The following PKD1L3 variants were observed in gnomAD, a reference collection of about 807,000 sequenced individuals.
The protein encoded by PKD1L3 is polycystin-1-like protein 3.
PKD1L3 carries 239 observed loss-of-function variants against 184.1 expected under a neutral mutation model. The ratio of observed to expected loss-of-function variants is 1.30; its 90% CI spans 1.17 to 1.45. The LOEUF (loss-of-function observed/expected upper bound fraction) is 1.45, where lower values mean the gene tolerates loss of function less well. Among genes scored for constraint, PKD1L3 ranks in the 40% most tolerant of loss-of-function variants. The pLI is 0.00. For synonymous variants in PKD1L3, 996 were observed against 778.8 expected (o/e 1.28, Z -4.64); for missense variants, 2,660 against 2,067.2 (o/e 1.29, Z -5.56).
intron 17 of PKD1L3, among the ~76,000 whole-genome samples, chr16:71,953,815 C>T (rs961846232): frequency 1.3e-5 from 2 of 152,216 alleles, no homozygotes; most frequent in African/African-American, 4.8e-5. Context: ...AGGGGGATTA[C>T]AGTTGGACGT....
intron 16 of PKD1L3, among the ~76,000 whole-genome samples, chr16:71,955,241 TGGTGGAAGG>T (rs1184628948): frequency 6.6e-6 from 1 of 151,738 alleles, no homozygotes; most frequent in African/African-American, 2.4e-5. Context: ...GTGGTGTTTG[TGGTGGAAGG>T]GGTGGAAGGG....
intron 21 of PKD1L3, among the ~76,000 whole-genome samples, chr16:71,948,034 A>G (rs1057413999): frequency 6.6e-6 from 1 of 151,430 alleles, no homozygotes; most frequent in African/African-American, 2.4e-5. Flanking sequence ...CTCTTCCTTC[A>G]GCCTCCCGAG....
rs1390610587 is a variant in PKD1L3 at position 71,950,121 on chromosome 16, G to A, written c.3380C>T (p.Ser1127Phe). 1 of 1,551,612 alleles carries A rather than the reference G, an allele frequency of 6.4e-7. No homozygotes were observed. Among genetic ancestry groups the A allele is most frequent in the Non-Finnish European group, 8.7e-7 (1 of 1,146,672 alleles). The change falls in exon 20 of 30, where the codon TCC (serine) becomes TTC (phenylalanine). Residue 1127 changes from serine (S) to phenylalanine (F), a missense_variant. Transcript: ENST00000620267. ...THILPTEQEP[S>F]REVTSFAILS... is the part of the protein sequence containing the mutation. ...AAGGCTTGGTGTGGTGCATTACCTG[G>A]ATGGCTCTTGCTCCGTGGGAAGAAT...
intron 12 of PKD1L3, 119 bp from the exon 13 acceptor site, chr16:71,970,224 C>T (rs1415007668): frequency 1.3e-6 from 1 of 763,482 alleles, no homozygotes; most frequent in Non-Finnish European, 2.1e-6. Context: ...TCATTCACAG[C>T]TGGTGATGGC....
At chr16:71,953,290 G>A (rs779160580) in intron 17 of PKD1L3, among the ~76,000 whole-genome samples, 197 bp from the exon 18 acceptor site, 3 of 152,154 alleles carry the variant, frequency 2.0e-5, no homozygotes, top group Non-Finnish European at 4.4e-5. Flanking sequence ...GAGAAAATTT[G>A]TTAGAGTATT....
chr16:71,971,464 C>A (rs193173306), intron 12 of PKD1L3, among the ~76,000 whole-genome samples: 1 of 152,306 alleles, frequency 6.6e-6, no homozygotes, highest in Non-Finnish European at 1.5e-5. Context: ...CCAATCTAGT[C>A]TGCCTTTGGA....
intron 23 of PKD1L3, 94 bp downstream of exon 23, chr16:71,943,936 T>TA (rs2038459716): frequency 7.3e-7 from 1 of 1,379,238 alleles, no homozygotes; most frequent in African/African-American, 1.5e-5. Context: ...GACAGCTTTT[T>TA]AACCCTTCTT....
chr16:71,990,773 GA>G lies in PKD1L3; in HGVS notation c.536-445del, dbSNP rs1446331557. ...AAAAAATAAAGGTAAGGAAGGAAAA[GA>G]CAAAAGGGAACCTATGATGATCACT... is the stretch of plus-strand genomic sequence containing the variant. On this transcript the variant is annotated intron_variant, in intron 3 of 29. Transcript: ENST00000620267. 4.0e-5 allele frequency among the ~76,000 whole-genome samples: 6 copies of G among 150,238 alleles called. No homozygotes were observed. In the East Asian group the frequency reaches 1.2e-3, roughly 30 times the overall value.
Position 71,954,203 on chromosome 16 carries a change from T to A in PKD1L3, c.2711A>T (p.Gln904Leu). The A allele has an allele frequency of 6.4e-7, 1 of 1,551,902 alleles. No homozygotes were observed. The highest frequency in any genetic ancestry group is 8.7e-7 in the Non-Finnish European group (1 of 1,146,952). ...CAGTGTCATGCAGCAAGACAGCCGTTGGACCCTTGTAAACTGGTTCCAGGG... is the reference window on the plus strand; with the variant it reads ...CAGTGTCATGCAGCAAGACAGCCGTAGGACCCTTGTAAACTGGTTCCAGGG... ...RHPWNQFTRV[Q>L]RLSCCMTLLL... The change falls in exon 17 of 30, where the codon CAA (glutamine) becomes CTA (leucine). Residue 904 changes from glutamine to leucine, a missense_variant. Coordinates refer to ENST00000620267, the MANE Select transcript of PKD1L3 (RefSeq NM_181536.2).
Position 71,929,605 on chromosome 16 carries a change from GT to G in PKD1L3, c.5131del (p.Thr1711ProfsTer18), listed in dbSNP as rs756119291. On this transcript the variant is annotated frameshift_variant, in exon 30 of 30. Transcript: ENST00000620267. LOFTEE classifies it low-confidence loss of function (END_TRUNC). Reference sequence around the variant, plus strand: ...TGTCGTGGCTGCTTGCTCAGATGAGGTTTTTTGGGGCCAACTGATTCCTAAC... The same window carrying G: ...TGTCGTGGCTGCTTGCTCAGATGAGGTTTTTGGGGCCAACTGATTCCTAAC... ...NLLGISWPQKTSSEQAATTAV... is the reference protein window; with the variant it reads ...NLLGISWPQKXSSEQAATTAV... 1.9e-6 allele frequency: 3 copies of G among 1,551,714 alleles called. No individual in the cohort carries two copies. Among genetic ancestry groups the G allele is most frequent in the Non-Finnish European group, 2.6e-6 (3 of 1,147,018 alleles).
chr16:71,976,602 C>T (rs956971206), intron 11 of PKD1L3, among the ~76,000 whole-genome samples: 1 of 151,806 alleles, frequency 6.6e-6, no homozygotes, highest in African/African-American at 2.4e-5. Context: ...ACAATTATCT[C>T]AAAATGAAAA....
At chr16:71,965,206 G>A (rs1227715403) in intron 15 of PKD1L3, among the ~76,000 whole-genome samples, 1 of 152,014 alleles carries the variant, frequency 6.6e-6, no homozygotes, top group African/African-American at 2.4e-5. Context: ...ATTCATCCAC[G>A]TAGTCATATG....
rs1253952522 is a variant in PKD1L3, at chr16:71,967,968, G to T, written c.2224C>A (p.Gln742Lys). ...TAGACCTGAATAAGGTAGTGAAATT[G>T]AGCGCTGGGGTCATTATCAGCCAGG... ...TVLADNDPSA[Q>K]FHYLIQVYTG... Residue 742 changes from glutamine (Q) to lysine (K), a missense_variant, in exon 14 of 30, where the codon CAA becomes AAA. Coordinates refer to ENST00000620267, the MANE Select transcript of PKD1L3 (RefSeq NM_181536.2). 1.3e-6 allele frequency: 2 copies of T among 1,551,484 alleles called. No homozygotes were observed. Among genetic ancestry groups the T allele is most frequent in the Admixed American group, 3.9e-5 (2 of 50,994 alleles).
intron 28 of PKD1L3, chr16:71,931,302 G>A (rs1030142726): frequency 6.6e-6 from 1 of 152,074 alleles, no homozygotes; most frequent in African/African-American, 2.4e-5. Context: ...ACAGAACACA[G>A]CCTAGTCAGC....
At chr16:71,942,131 A>G (rs2038382490) in intron 24 of PKD1L3, among the ~76,000 whole-genome samples, 2 of 151,882 alleles carry the variant, frequency 1.3e-5, no homozygotes, top group South Asian at 2.1e-4. Flanking sequence ...CCTGGCAAAC[A>G]TGGCGAAACC....
chr16:71,944,182 T>TTTGA lies in PKD1L3; in HGVS notation c.3719-13_3719-12insTCAA, dbSNP rs2038470798. ...CGAAGAACATTTTGCTGTCAAAAATTCAAATATAGACCAAAGAAATGTTAT... is the reference window on the plus strand; with the variant it reads ...CGAAGAACATTTTGCTGTCAAAAATTTTGACAAATATAGACCAAAGAAATGTTAT... On this transcript the variant is annotated splice_polypyrimidine_tract_variant and intron_variant, in intron 22 of 29. Coordinates refer to ENST00000620267, the MANE Select transcript of PKD1L3 (RefSeq NM_181536.2). 3 of 1,545,072 alleles carry TTTGA rather than the reference T, an allele frequency of 1.9e-6. No homozygotes were observed. The highest frequency in any genetic ancestry group is 2.6e-6 in the Non-Finnish European group (3 of 1,142,190).
chr16:71,939,370 C>G (rs758942129), intron 24 of PKD1L3, among the ~76,000 whole-genome samples: 1 of 152,304 alleles, frequency 6.6e-6, no homozygotes, highest in Non-Finnish European at 1.5e-5. Context: ...TTCGGCAGAA[C>G]GAGCACAGTG....
chr16:71,958,423 T>C (rs1050004948), intron 16 of PKD1L3, among the ~76,000 whole-genome samples: 3 of 149,670 alleles, frequency 2.0e-5, no homozygotes, highest in African/African-American at 7.4e-5. Context: ...CACACACTTC[T>C]CATTAGAACT....
chr16:71,993,367 G>C (rs2040665761), intron 2 of PKD1L3, 35 bp from the exon 3 acceptor site: 2 of 1,331,118 alleles, frequency 1.5e-6, no homozygotes, highest in Non-Finnish European at 1.0e-6. Context: ...TAATTTATAG[G>C]TTATAGCTAT....
Sources: gnomAD v4.1 joint callset for allele counts (sites outside exome capture counted in the v4.1 genomes callset) on GRCh38, gnomAD v4.1.1 for gene constraint, MANE v1.5 for transcripts, NCBI Gene and HGNC (gene_info 2026-07-23, HGNC 2026-07-21) for gene names.